DCDC1: variants seen among roughly 807,000 people sequenced by gnomAD.
DCDC1 encodes the protein doublecortin domain-containing protein 1.
Under a neutral mutation model 178.3 loss-of-function variants are expected in DCDC1, and 200 were observed. The ratio of observed to expected loss-of-function variants is 1.12; its 90% CI spans 1.00 to 1.26. DCDC1 has a LOEUF of 1.26. DCDC1 is among the 50% of genes most tolerant of loss of function. The probability of loss-of-function intolerance (pLI) is 0.00; values close to 1 mark genes in which losing one functional copy is unlikely to be tolerated. For missense variants in DCDC1, 1,983 were observed against 1,749.2 expected, an observed-to-expected ratio of 1.13 and a Z score of -2.38; for synonymous variants, 690 against 604.8, an observed-to-expected ratio of 1.14 and a Z score of -2.07.
intron 22 of DCDC1, among the ~76,000 whole-genome samples, chr11:30,930,409 G>T (rs1946852786): frequency 6.6e-6 from 1 of 152,096 alleles, no homozygotes; most frequent in Non-Finnish European, 1.5e-5. Context: ...AATCAGCAGA[G>T]AAATTAAACT....
intron 9 of DCDC1, among the ~76,000 whole-genome samples, chr11:31,223,090 C>T (rs1032697054): frequency 1.3e-5 from 2 of 152,058 alleles, no homozygotes; most frequent in African/African-American, 4.8e-5. Context: ...TTTTGAAAGA[C>T]TTACCAAGAG....
At chr11:31,202,321 G>C (rs1185229169) in intron 9 of DCDC1, among the ~76,000 whole-genome samples, 1 of 152,124 alleles carries the variant, frequency 6.6e-6, no homozygotes, top group Non-Finnish European at 1.5e-5. Context: ...CCAACACTTT[G>C]GGACGCCGAG....
intron 20 of DCDC1, among the ~76,000 whole-genome samples, chr11:30,969,203 G>T (rs190202799): frequency 6.6e-6 from 1 of 152,202 alleles, no homozygotes; most frequent in Admixed American, 6.5e-5. Context: ...AAACTTTGTG[G>T]GTATGATTAA....
chr11:30,961,400 A>G (rs1021543346), intron 20 of DCDC1, among the ~76,000 whole-genome samples: 1 of 152,138 alleles, frequency 6.6e-6, no homozygotes, highest in East Asian at 1.9e-4. Context: ...TACAGTATAT[A>G]ACAGATAAAT....
intron 11 of DCDC1, among the ~76,000 whole-genome samples, chr11:31,116,533 G>C (rs1344320155): frequency 6.6e-6 from 1 of 151,868 alleles, no homozygotes; most frequent in Non-Finnish European, 1.5e-5. Context: ...TTGAAGGATG[G>C]TTTTTAGAAT....
At chr11:31,053,859 G>A (rs896418186) in intron 20 of DCDC1, among the ~76,000 whole-genome samples, 1 of 152,028 alleles carries the variant, frequency 6.6e-6, no homozygotes, top group Non-Finnish European at 1.5e-5. Context: ...ACCCACAGCC[G>A]ACATAATACC....
At chr11:30,913,046 T>C (rs1945555393) in intron 27 of DCDC1, among the ~76,000 whole-genome samples, 1 of 152,174 alleles carries the variant, frequency 6.6e-6, no homozygotes, top group South Asian at 2.1e-4. Flanking sequence ...AACCTCAGAA[T>C]TACTGTCGCT....
intron 9 of DCDC1, among the ~76,000 whole-genome samples, chr11:31,144,798 T>A (rs1964260702): frequency 6.6e-6 from 1 of 152,184 alleles, no homozygotes; most frequent in Non-Finnish European, 1.5e-5. Context: ...GAAAGTGCAC[T>A]TCACATATTA....
chr11:30,889,252 T>G (rs1259668928), intron 36 of DCDC1, among the ~76,000 whole-genome samples: 1 of 152,198 alleles, frequency 6.6e-6, no homozygotes, highest in African/African-American at 2.4e-5. Flanking sequence ...CATTGATGAC[T>G]GATGAGCCGA....
At chr11:30,950,568 G>C (rs1293384683) in intron 21 of DCDC1, among the ~76,000 whole-genome samples, 2 of 152,060 alleles carry the variant, frequency 1.3e-5, no homozygotes, top group East Asian at 3.9e-4. Flanking sequence ...TGGAACTGGA[G>C]GACATTTTGT....
At chr11:30,948,911 AACCTAGGCAAT>A (rs1948231791) in intron 21 of DCDC1, among the ~76,000 whole-genome samples, 1 of 152,188 alleles carries the variant, frequency 6.6e-6, no homozygotes, top group South Asian at 2.1e-4. Context: ...CCTAGAAGAA[AACCTAGGCAAT>A]ACCATTCAGG....
intron 38 of DCDC1, among the ~76,000 whole-genome samples, chr11:30,867,069 G>A (rs1941054730): frequency 6.6e-6 from 1 of 152,154 alleles, no homozygotes; most frequent in African/African-American, 2.4e-5. Context: ...CTTGGGTTGG[G>A]CATCCAAATG....
intron 24 of DCDC1, among the ~76,000 whole-genome samples, chr11:30,921,311 C>T (rs1179255489): frequency 3.3e-5 from 5 of 152,084 alleles, no homozygotes; most frequent in Admixed American, 1.3e-4. Flanking sequence ...TTTTACTACA[C>T]GGTGTTCAAT....
intron 7 of DCDC1, among the ~76,000 whole-genome samples, chr11:31,285,902 C>T (rs1016984737): frequency 2.0e-5 from 3 of 151,662 alleles, no homozygotes; most frequent in Non-Finnish European, 4.4e-5. Flanking sequence ...TTCTATTTCC[C>T]GATTTCTGAA....
chr11:31,361,610 A>G (rs1208882328), intron 1 of DCDC1, among the ~76,000 whole-genome samples: 1 of 152,020 alleles, frequency 6.6e-6, no homozygotes, highest in Admixed American at 6.6e-5. Flanking sequence ...GCCTCTGAGT[A>G]GCTGGCACTA....
Position 30,903,638 on chromosome 11 carries a change from A to C in DCDC1, c.4354T>G (p.Ser1452Ala). Residue 1452 changes from serine (S) to alanine (A), a missense_variant, in exon 32 of 39, where the codon TCC becomes GCC. Transcript: ENST00000684477. ...GTTCCATCTTTGGTATATACTTTGG[A>C]GGCTGCTCTGGCAAGCCCAAGTTGT... ...TEQLGLARAA[S>A]KVYTKDGTPI... 6.2e-7 allele frequency: 1 copy of C among 1,610,948 alleles called. No homozygotes were observed. The highest frequency in any genetic ancestry group is 8.5e-7 in the Non-Finnish European group (1 of 1,178,474).
At chr11:31,142,707 T>C (rs1204941338) in intron 9 of DCDC1, among the ~76,000 whole-genome samples, 1 of 152,194 alleles carries the variant, frequency 6.6e-6, no homozygotes, top group Admixed American at 6.5e-5. Flanking sequence ...TAAGATATTA[T>C]AATCTTATGT....
At chr11:31,073,655 G>A (rs879603347) in intron 18 of DCDC1, among the ~76,000 whole-genome samples, 1 of 152,178 alleles carries the variant, frequency 6.6e-6, no homozygotes, top group Non-Finnish European at 1.5e-5. Context: ...CAGGAATATG[G>A]TAAAGATTAT....
chr11:31,060,810 A>G (rs1379017971), intron 20 of DCDC1, among the ~76,000 whole-genome samples: 1 of 152,170 alleles, frequency 6.6e-6, no homozygotes, highest in Non-Finnish European at 1.5e-5. Context: ...ATTTGTCTAT[A>G]TAAAATTAGG....
Sources: allele counts gnomAD v4.1 joint callset (sites outside exome capture counted in the v4.1 genomes callset), GRCh38; gene constraint gnomAD v4.1.1; transcripts MANE v1.5; gene names NCBI Gene and HGNC (gene_info 2026-07-23, HGNC 2026-07-21).